RBM47: variants seen among roughly 807,000 people sequenced by gnomAD.
The protein encoded by RBM47 is RNA-binding protein 47.
A neutral mutation model predicts 47.1 loss-of-function variants in RBM47; 21 were observed. That is an observed-to-expected ratio of 0.45 (90% CI 0.32 to 0.64). The LOEUF (loss-of-function observed/expected upper bound fraction) is 0.64. Among genes scored for constraint, RBM47 ranks in the 30% least tolerant of loss-of-function variants. RBM47 has a pLI of 0.05. For missense variants in RBM47, 708 were observed against 870.9 expected, an observed-to-expected ratio of 0.81 and a Z score of 2.35; for synonymous variants, 375 against 361.7, an observed-to-expected ratio of 1.04 and a Z score of -0.42.
At chr4:40,611,799 A>C (rs955063905) in intron 1 of RBM47, among the ~76,000 whole-genome samples, 3 of 152,104 alleles carry the variant, frequency 2.0e-5, no homozygotes, top group East Asian at 1.9e-4. Context: ...TTTTGGAAGC[A>C]AACTTGAAAT....
intron 1 of RBM47, among the ~76,000 whole-genome samples, chr4:40,565,179 A>T (rs979915383): frequency 1.3e-5 from 2 of 152,204 alleles, no homozygotes; most frequent in Admixed American, 1.3e-4. Context: ...TTGATCCCAA[A>T]TGGCATTTTC....
At chr4:40,562,076 C>T (rs1236843998) in intron 1 of RBM47, among the ~76,000 whole-genome samples, 1 of 152,062 alleles carries the variant, frequency 6.6e-6, no homozygotes, top group African/African-American at 2.4e-5. Flanking sequence ...AATCAGTACC[C>T]CATGGTTACA....
At chr4:40,443,290 A>C (rs1713946772) in intron 3 of RBM47, among the ~76,000 whole-genome samples, 1 of 152,316 alleles carries the variant, frequency 6.6e-6, no homozygotes, top group Middle Eastern at 3.4e-3. Context: ...CCATACACTT[A>C]AAAATGGTAA....
chr4:40,486,538 C>T (rs1053284084), intron 2 of RBM47, among the ~76,000 whole-genome samples: 4 of 152,154 alleles, frequency 2.6e-5, no homozygotes, highest in African/African-American at 9.7e-5. Context: ...GTGGCTCATG[C>T]CTGTAATCCC....
Position 40,501,152 on chromosome 4 carries a change from G to A in RBM47, c.-154-34453C>T, listed in dbSNP as rs977414971. On this transcript the variant is annotated intron_variant, in intron 2 of 6. Coordinates refer to ENST00000295971, the MANE Select transcript of RBM47 (RefSeq NM_001098634.2). Reference sequence around the variant, plus strand: ...AGAGCAGCTGCTGGCTTCATTTATCGTGACGAGTAAAATAAAACATAGGAA... The same window carrying A: ...AGAGCAGCTGCTGGCTTCATTTATCATGACGAGTAAAATAAAACATAGGAA... Among the ~76,000 whole-genome samples, 13 of 152,210 alleles carry A rather than the reference G, an allele frequency of 8.5e-5. No homozygotes were observed. In the East Asian group the frequency reaches 9.6e-4, roughly 11 times the overall value.
chr4:40,469,353 A>G (rs1008806925), intron 2 of RBM47, among the ~76,000 whole-genome samples: 1 of 152,100 alleles, frequency 6.6e-6, no homozygotes, highest in Non-Finnish European at 1.5e-5. Flanking sequence ...CATTTCCCCA[A>G]AATGAAACAC....
At chr4:40,432,012 G>A (rs1388144500) in intron 6 of RBM47, among the ~76,000 whole-genome samples, 1 of 106,342 alleles carries the variant, frequency 9.4e-6, no homozygotes, top group Non-Finnish European at 2.3e-5. Context: ...CACCATGCCA[G>A]GCTAATTTAA....
At chr4:40,623,235 T>G (rs769773744) in intron 1 of RBM47, among the ~76,000 whole-genome samples, 1 of 152,168 alleles carries the variant, frequency 6.6e-6, no homozygotes, top group African/African-American at 2.4e-5. Flanking sequence ...GAGCCCACAA[T>G]GTGGAGCAAA....
intron 2 of RBM47, among the ~76,000 whole-genome samples, chr4:40,510,207 A>AG (rs1724745311): frequency 1.4e-5 from 2 of 148,020 alleles, no homozygotes; most frequent in Non-Finnish European, 3.0e-5. Flanking sequence ...AAAAAAAAAA[A>AG]GTAAAGAAAC....
chr4:40,433,432 A>C (rs557600855), intron 5 of RBM47, among the ~76,000 whole-genome samples: 11 of 152,268 alleles, frequency 7.2e-5, no homozygotes, highest in African/African-American at 2.6e-4. Context: ...AGGCTTTTGC[A>C]CCAATATTTT....
At chr4:40,625,746 C>T (rs2154282331) in intron 1 of RBM47, among the ~76,000 whole-genome samples, 2 of 152,260 alleles carry the variant, frequency 1.3e-5, no homozygotes, top group East Asian at 3.9e-4. Flanking sequence ...TATAGCATCC[C>T]CAAAGACAAA....
intron 4 of RBM47, chr4:40,436,933 T>TC (rs201915373): frequency 2.4e-4 from 104 of 428,436 alleles, no homozygotes; most frequent in African/African-American, 1.2e-3. Flanking sequence ...CACCACCCCC[T>TC]CCCCCCCGCC....
intron 3 of RBM47, among the ~76,000 whole-genome samples, chr4:40,456,574 T>TC (rs1192841066): frequency 3.3e-4 from 47 of 143,354 alleles, no homozygotes; most frequent in Middle Eastern, 3.5e-3. Context: ...CTTTTTTCTT[T>TC]TTTTTTTTTT....
At chr4:40,568,751 C>G (rs954569174) in intron 1 of RBM47, among the ~76,000 whole-genome samples, 1 of 151,750 alleles carries the variant, frequency 6.6e-6, no homozygotes, top group African/African-American at 2.4e-5. Context: ...GAGGCCGAGG[C>G]GGGTGGATCA....
intron 2 of RBM47, among the ~76,000 whole-genome samples, chr4:40,529,003 T>C (rs888674884): frequency 6.6e-6 from 1 of 151,636 alleles, no homozygotes; most frequent in East Asian, 1.9e-4. Context: ...AAAGAAATAA[T>C]AAAACAGGGC....
chr4:40,607,213 T>C (rs960314470), intron 1 of RBM47, among the ~76,000 whole-genome samples: 1 of 152,150 alleles, frequency 6.6e-6, no homozygotes, highest in African/African-American at 2.4e-5. Flanking sequence ...ACAACATGGA[T>C]GGATCCTGAA....
At chr4:40,610,610 C>CAAAAA (rs34149753) in intron 1 of RBM47, among the ~76,000 whole-genome samples, 8 of 52,756 alleles carry the variant, frequency 1.5e-4, no homozygotes, top group Non-Finnish European at 2.6e-4. Flanking sequence ...GACTCCATCT[C>CAAAAA]AAAAAAAAAA....
At chr4:40,515,287 T>C (rs564202971) in intron 2 of RBM47, among the ~76,000 whole-genome samples, 6 of 152,166 alleles carry the variant, frequency 3.9e-5, no homozygotes, top group Non-Finnish European at 7.4e-5. Flanking sequence ...TCTATCTGCC[T>C]GGTTTTACAG....
At chr4:40,559,077 T>C (rs528233057) in intron 1 of RBM47, among the ~76,000 whole-genome samples, 1 of 152,324 alleles carries the variant, frequency 6.6e-6, no homozygotes, top group East Asian at 1.9e-4. Flanking sequence ...CCAGCCTTTA[T>C]TTTATCCCTA....
Sources: allele counts gnomAD v4.1 joint callset (sites outside exome capture counted in the v4.1 genomes callset), GRCh38; gene constraint gnomAD v4.1.1; transcripts MANE v1.5; gene names NCBI Gene and HGNC (gene_info 2026-07-23, HGNC 2026-07-21).